PARD3: variants seen among roughly 807,000 people sequenced by gnomAD.
PARD3 encodes par-3 family cell polarity regulator, also known as partitioning defective 3 homolog.
A neutral mutation model predicts 155.4 loss-of-function variants in PARD3; 75 were observed. The ratio of observed to expected loss-of-function variants is 0.48; its 90% confidence interval spans 0.40 to 0.58. PARD3 has a LOEUF of 0.58. Ranked by LOEUF, PARD3 falls within the 20% of genes least tolerant of loss-of-function variation. The pLI is 0.00. For synonymous variants in PARD3, 576 were observed against 610.5 expected (o/e 0.94, Z 0.83); for missense variants, 1,642 against 1,721.7 (o/e 0.95, Z 0.82).
chr10:34,776,906 A>G (rs1226511173), intron 1 of PARD3, among the ~76,000 whole-genome samples: 3 of 148,108 alleles, frequency 2.0e-5, no homozygotes, highest in Admixed American at 1.4e-4. Context: ...GCACAATCTC[A>G]GCTCACTGCA....
chr10:34,611,136 T>C (rs2090860647), intron 2 of PARD3, among the ~76,000 whole-genome samples: 2 of 152,162 alleles, frequency 1.3e-5, no homozygotes, highest in Non-Finnish European at 2.9e-5. Flanking sequence ...TCATGCACCT[T>C]GAGTGAGGCA....
chr10:34,212,391 C>T (rs572140647), intron 22 of PARD3, among the ~76,000 whole-genome samples: 2 of 152,212 alleles, frequency 1.3e-5, no homozygotes, highest in East Asian at 3.9e-4. Flanking sequence ...CTAGCCCGAC[C>T]CCTGACAGCA....
chr10:34,184,045 T>C (rs1262466128), intron 22 of PARD3, among the ~76,000 whole-genome samples: 1 of 152,180 alleles, frequency 6.6e-6, no homozygotes, highest in Non-Finnish European at 1.5e-5. Flanking sequence ...CTCTAACTCC[T>C]AGGCTCAAGC....
chr10:34,469,566 G>C (rs556609320), intron 4 of PARD3, among the ~76,000 whole-genome samples: 4 of 152,294 alleles, frequency 2.6e-5, no homozygotes, highest in South Asian at 4.1e-4. Context: ...AGGATAAAAC[G>C]ATCAACTGTG....
chr10:34,465,834 T>C (rs933696999), intron 4 of PARD3, among the ~76,000 whole-genome samples: 1 of 152,148 alleles, frequency 6.6e-6, no homozygotes, highest in African/African-American at 2.4e-5. Flanking sequence ...CGGCACTGCA[T>C]GGAAAGCAGA....
intron 1 of PARD3, among the ~76,000 whole-genome samples, chr10:34,701,919 T>C (rs186959935): frequency 3.3e-5 from 5 of 152,196 alleles, no homozygotes; most frequent in African/African-American, 9.6e-5. Flanking sequence ...TCCTAGCACT[T>C]TGGGAGGCCA....
At chr10:34,394,975 C>A (rs1843179370) in intron 7 of PARD3, among the ~76,000 whole-genome samples, 1 of 151,042 alleles carries the variant, frequency 6.6e-6, no homozygotes, top group Non-Finnish European at 1.5e-5. Context: ...AAGGTAATCA[C>A]AATTATTTGG....
intron 1 of PARD3, among the ~76,000 whole-genome samples, chr10:34,715,748 G>A (rs1280384642): frequency 6.6e-6 from 1 of 152,160 alleles, no homozygotes; most frequent in Non-Finnish European, 1.5e-5. Context: ...TCTACCATGT[G>A]GCAGGCACGG....
chr10:34,183,811 T>C (rs1589048930), intron 22 of PARD3, among the ~76,000 whole-genome samples: 1 of 152,222 alleles, frequency 6.6e-6, no homozygotes, highest in Non-Finnish European at 1.5e-5. Flanking sequence ...TCTTTCTTGC[T>C]TGCCTATTAA....
At chr10:34,704,255 GA>G (rs1428093877) in intron 1 of PARD3, among the ~76,000 whole-genome samples, 2 of 151,946 alleles carry the variant, frequency 1.3e-5, no homozygotes, top group East Asian at 1.9e-4. Context: ...TCAACCAAAG[GA>G]AAAAACATTC....
intron 1 of PARD3, among the ~76,000 whole-genome samples, chr10:34,697,225 T>C (rs2094191817): frequency 6.6e-6 from 1 of 152,322 alleles, no homozygotes; most frequent in Non-Finnish European, 1.5e-5. Flanking sequence ...GTTTCTGAAC[T>C]TCTACATCAC....
intron 3 of PARD3, among the ~76,000 whole-genome samples, chr10:34,499,122 T>A (rs1024277249): frequency 6.6e-6 from 1 of 152,260 alleles, no homozygotes; most frequent in South Asian, 2.1e-4. Flanking sequence ...AGCTCAAGAT[T>A]TTTTTCTCTA....
chr10:34,321,729 T>C (rs1958391838), intron 19 of PARD3, among the ~76,000 whole-genome samples: 1 of 152,220 alleles, frequency 6.6e-6, no homozygotes, highest in African/African-American at 2.4e-5. Flanking sequence ...CTAGTCCATG[T>C]TACAAATTAA....
chr10:34,480,448 G>C (rs1336561525), intron 3 of PARD3, among the ~76,000 whole-genome samples: 1 of 152,114 alleles, frequency 6.6e-6, no homozygotes, highest in Non-Finnish European at 1.5e-5. Context: ...GTGTGGCCCA[G>C]GCTGGTCACA....
rs373655502 is a variant in PARD3 at position 34,754,911 on chromosome 10, G to A, written c.121-58492C>T. On this transcript the variant is annotated intron_variant, in intron 1 of 24. Coordinates refer to ENST00000374788, the MANE Select transcript of PARD3 (RefSeq NM_001184785.2). Reference sequence around the variant, plus strand: ...CAACAGTGATGAGAACATGAGGTGGGGCTTATAAGCAGGGACCTACATCCT... The same window carrying A: ...CAACAGTGATGAGAACATGAGGTGGAGCTTATAAGCAGGGACCTACATCCT... Among the ~76,000 whole-genome samples, 31 of 152,262 alleles carry A rather than the reference G, an allele frequency of 2.0e-4. No homozygotes were observed. The South Asian group carries it at 2.5e-3, about 12-fold the overall frequency.
intron 1 of PARD3, among the ~76,000 whole-genome samples, chr10:34,801,456 A>ATAC: frequency 6.6e-6 from 1 of 152,180 alleles, no homozygotes; most frequent in Admixed American, 6.5e-5. Context: ...AAAAAGACGG[A>ATAC]TGAGAGGAGG....
chr10:34,141,496 A>G (rs1405530441), intron 22 of PARD3, among the ~76,000 whole-genome samples: 1 of 152,138 alleles, frequency 6.6e-6, no homozygotes, highest in Non-Finnish European at 1.5e-5. Flanking sequence ...TTCTGATGTG[A>G]TAGCTCCAGT....
chr10:34,131,445 G>A lies in PARD3; in HGVS notation c.3540+18C>T, dbSNP rs1316345176. ...AAGTTGTAGGACCATTCACCGTGCT[G>A]AAGAACCAATTACTTACCCAGGGTT... On this transcript the variant is annotated intron_variant, in intron 23 of 24. Transcript: ENST00000374788. 6.2e-7 allele frequency: 1 copy of A among 1,613,668 alleles called. No homozygotes were observed. The highest frequency in any genetic ancestry group is 8.5e-7 in the Non-Finnish European group (1 of 1,179,794).
At chr10:34,656,754 A>G in intron 2 of PARD3, among the ~76,000 whole-genome samples, 1 of 152,210 alleles carries the variant, frequency 6.6e-6, no homozygotes, top group East Asian at 1.9e-4. Context: ...GAGAATTTAC[A>G]TTATGAATAA....
Sources: allele counts gnomAD v4.1 joint callset (sites outside exome capture counted in the v4.1 genomes callset), GRCh38; gene constraint gnomAD v4.1.1; transcripts MANE v1.5; gene names NCBI Gene and HGNC (gene_info 2026-07-23, HGNC 2026-07-21).